The following STAG1 variants were observed in gnomAD, a reference collection of about 807,000 sequenced individuals.
STAG1 encodes the protein STAG1 cohesin complex component.
Under a neutral mutation model 170.9 loss-of-function variants are expected in STAG1, and 26 were observed. The observed-to-expected ratio is 0.15, with a 90% CI of 0.11 to 0.21. The LOEUF (loss-of-function observed/expected upper bound fraction) is 0.21, where lower values mean the gene tolerates loss of function less well. STAG1 is among the 10% of genes least tolerant of loss of function. STAG1 has a pLI of 1.00. For synonymous variants in STAG1, 514 were observed against 497.7 expected (o/e 1.03, Z -0.44); for missense variants, 964 against 1,509.5 (o/e 0.64, Z 5.99).
chr3:136,376,061 T>TAAAATAAAATA (rs1560069542), intron 23 of STAG1, among the ~76,000 whole-genome samples: 6 of 116,660 alleles, frequency 5.1e-5, no homozygotes, highest in East Asian at 2.2e-4. Context: ...CAAAATAAAA[T>TAAAATAAAATA]AAATGGCAGA....
At chr3:136,680,919 C>T (rs1942311918) in intron 1 of STAG1, among the ~76,000 whole-genome samples, 1 of 136,234 alleles carries the variant, frequency 7.3e-6, no homozygotes, top group East Asian at 2.6e-4. Context: ...CTAAAATCCA[C>T]AGATGCTCAA....
intron 23 of STAG1, among the ~76,000 whole-genome samples, chr3:136,372,879 G>T (rs1937421525): frequency 1.3e-5 from 2 of 152,174 alleles, no homozygotes; most frequent in Admixed American, 6.6e-5. Context: ...AGTTAGGGAG[G>T]ATTCCCTCTT....
intron 9 of STAG1, among the ~76,000 whole-genome samples, chr3:136,492,115 T>G (rs1043254221): frequency 1.1e-4 from 16 of 152,254 alleles, no homozygotes; most frequent in African/African-American, 3.9e-4. Flanking sequence ...TTCCAGTACG[T>G]GCAGTAATAT....
intron 21 of STAG1, among the ~76,000 whole-genome samples, chr3:136,405,791 C>CAAAAAAAA (rs34952291): frequency 1.4e-3 from 70 of 50,076 alleles, no homozygotes; most frequent in African/African-American, 2.0e-3. Context: ...ACTCTATCTC[C>CAAAAAAAA]AAAAAAAAAA....
At chr3:136,577,567 T>C (rs1402333588) in intron 4 of STAG1, among the ~76,000 whole-genome samples, 1 of 152,124 alleles carries the variant, frequency 6.6e-6, no homozygotes, top group East Asian at 1.9e-4. Flanking sequence ...ACTAGCCTTC[T>C]TAAGCTTGAA....
At chr3:136,427,272 T>C (rs567811803) in intron 16 of STAG1, among the ~76,000 whole-genome samples, 79 of 152,078 alleles carry the variant, frequency 5.2e-4, no homozygotes, top group African/African-American at 1.8e-3. Context: ...CTGTACAGAA[T>C]TAACTTTAGC....
At chr3:136,479,247 T>G (rs2089858625) in intron 9 of STAG1, among the ~76,000 whole-genome samples, 2 of 106,066 alleles carry the variant, frequency 1.9e-5, no homozygotes, top group Non-Finnish European at 3.7e-5. Flanking sequence ...CCCACCACCG[T>G]CCCCAGAGTG....
At chr3:136,744,601 G>A (rs555321247) in intron 1 of STAG1, among the ~76,000 whole-genome samples, 2 of 151,268 alleles carry the variant, frequency 1.3e-5, no homozygotes, top group East Asian at 3.9e-4. Flanking sequence ...TTACCAATGA[G>A]ATTACAATTC....
intron 7 of STAG1, among the ~76,000 whole-genome samples, chr3:136,516,561 C>T (rs777434776): frequency 1.3e-5 from 2 of 151,990 alleles, no homozygotes; most frequent in Non-Finnish European, 2.9e-5. Flanking sequence ...TGTTCGTTTT[C>T]TTAACAGCGG....
chr3:136,488,364 G>A (rs2090057650), intron 9 of STAG1, among the ~76,000 whole-genome samples: 1 of 152,150 alleles, frequency 6.6e-6, no homozygotes, highest in African/African-American at 2.4e-5. Flanking sequence ...CTCAGGTGAT[G>A]CACCCGCCTT....
chr3:136,710,503 G>A (rs535746932), intron 1 of STAG1, among the ~76,000 whole-genome samples: 5 of 151,900 alleles, frequency 3.3e-5, no homozygotes, highest in Middle Eastern at 3.2e-3. Context: ...AAGCCTACCC[G>A]GTACTTTGCT....
intron 1 of STAG1, chr3:136,737,314 G>A (rs1934397699): frequency 2.5e-6 from 1 of 401,370 alleles, no homozygotes; most frequent in Non-Finnish European, 4.8e-6. Context: ...ATGTTGGCCA[G>A]GCTGGTCTCC....
intron 14 of STAG1, among the ~76,000 whole-genome samples, chr3:136,444,500 C>CTA (rs1436796963): frequency 1.3e-5 from 2 of 152,184 alleles, no homozygotes; most frequent in Non-Finnish European, 2.9e-5. Context: ...ACTTTTGAGG[C>CTA]TCATTACATT....
At chr3:136,685,506 G>A (rs368032690) in intron 1 of STAG1, among the ~76,000 whole-genome samples, 4 of 152,276 alleles carry the variant, frequency 2.6e-5, no homozygotes, top group Admixed American at 6.5e-5. Context: ...TGAAACATAT[G>A]TCCACACACG....
intron 5 of STAG1, among the ~76,000 whole-genome samples, chr3:136,554,596 T>C (rs1427601472): frequency 6.6e-6 from 1 of 152,034 alleles, no homozygotes; most frequent in East Asian, 1.9e-4. Context: ...TGCTTGAAAA[T>C]TTAAAAATAT....
intron 22 of STAG1, among the ~76,000 whole-genome samples, chr3:136,385,961 C>T (rs1235134564): frequency 6.6e-6 from 1 of 152,220 alleles, no homozygotes; most frequent in East Asian, 1.9e-4. Context: ...CTCAGCCTCT[C>T]AAAGCGCTGG....
At chr3:136,625,547 G>A (rs1441203839) in intron 2 of STAG1, among the ~76,000 whole-genome samples, 1 of 152,056 alleles carries the variant, frequency 6.6e-6, no homozygotes, top group Non-Finnish European at 1.5e-5. Flanking sequence ...TTTAAGTTAT[G>A]CATACGTATG....
At chr3:136,714,965 T>TATATA (rs1559967677) in intron 1 of STAG1, among the ~76,000 whole-genome samples, 20 of 62,284 alleles carry the variant, frequency 3.2e-4, no homozygotes, top group East Asian at 2.5e-3. Flanking sequence ...ATATATATAT[T>TATATA]TTATATATAT....
At chr3:136,416,010 A>G (rs929677081) in intron 21 of STAG1, among the ~76,000 whole-genome samples, 2 of 147,296 alleles carry the variant, frequency 1.4e-5, no homozygotes, top group Admixed American at 6.7e-5. Context: ...TAAAGCCATA[A>G]AACTTTTTTT....
Sources: gnomAD v4.1 joint callset for allele counts (sites outside exome capture counted in the v4.1 genomes callset) on GRCh38, gnomAD v4.1.1 for gene constraint, MANE v1.5 for transcripts, NCBI Gene and HGNC (gene_info 2026-07-23, HGNC 2026-07-21) for gene names.